The following NUP155 variants were observed in gnomAD, a reference collection of about 807,000 sequenced individuals.
The protein encoded by NUP155 is nucleoporin 155.
A neutral mutation model predicts 180.4 loss-of-function variants in NUP155; 71 were observed. The ratio of observed to expected loss-of-function variants is 0.39; its 90% CI spans 0.33 to 0.48. The LOEUF (loss-of-function observed/expected upper bound fraction) is 0.48. Among genes scored for constraint, NUP155 ranks in the 20% least tolerant of loss-of-function variants. The pLI is 0.91. For synonymous variants in NUP155, 582 were observed against 559.5 expected (o/e 1.04, Z -0.57); for missense variants, 1,553 against 1,648.9 (o/e 0.94, Z 1.01).
chr5:37,303,475 A>C, intron 27 of NUP155, 61 bp from the exon 28 acceptor site: 2 of 1,374,748 alleles, frequency 1.5e-6, no homozygotes, highest in Non-Finnish European at 2.1e-6. Flanking sequence ...TGTTCCTGAT[A>C]AGGAAAATAT....
Position 37,341,056 on chromosome 5 carries a change from A to G in NUP155, c.1246+34T>C, listed in dbSNP as rs1745684614. ...ATATAATTTTAACAATTTTAAGAAT[A>G]TAATCTTAAATCTGATAGTATTTCA... is the stretch of plus-strand genomic sequence containing the variant. On this transcript the variant is annotated intron_variant, in intron 11 of 34. Coordinates refer to ENST00000231498, the MANE Select transcript of NUP155 (RefSeq NM_153485.3). The G allele has an allele frequency of 6.0e-6, 9 of 1,505,040 alleles. No individual in the cohort carries two copies. The African/African-American group carries it at 6.9e-5, about 12-fold the overall frequency. 93.2% of individuals were successfully genotyped at this position (1,505,040 alleles called of 1,614,324 possible).
chr5:37,363,960 C>A lies in NUP155; in HGVS notation c.320G>T (p.Gly107Val). 6.2e-7 allele frequency: 1 copy of A among 1,613,404 alleles called. No homozygotes were observed. Among genetic ancestry groups the A allele is most frequent in the African/African-American group, 1.3e-5 (1 of 75,032 alleles). Reference sequence around the variant, plus strand: ...AGCTCTGCTGATAGGAGGGAACACACCCATCATGCAATTACACTGCATATC... The same window carrying A: ...AGCTCTGCTGATAGGAGGGAACACAACCATCATGCAATTACACTGCATATC... ...FGHMQCNCMMGVFPPISRAWL... is the reference protein window; with the variant it reads ...FGHMQCNCMMVVFPPISRAWL... Residue 107 changes from glycine (G) to valine (V), a missense_variant, in exon 3 of 35, where the codon GGT (glycine) becomes GTT (valine). Coordinates refer to ENST00000231498, the MANE Select transcript of NUP155 (RefSeq NM_153485.3).
chr5:37,317,358 C>T (rs1379239769), intron 21 of NUP155, among the ~76,000 whole-genome samples: 4 of 150,792 alleles, frequency 2.7e-5, no homozygotes. Context: ...CGTGGTGGCA[C>T]ATGCCTCTAA....
chr5:37,335,082 C>T lies in NUP155; in HGVS notation c.1348-1449G>A, dbSNP rs563818020. 7.3e-4 allele frequency among the ~76,000 whole-genome samples: 109 copies of T among 149,438 alleles called. 1 individual carries two copies. The highest frequency in any genetic ancestry group is 1.9e-3 in the African/African-American group (77 of 40,352). ...CTGAGGCAGGAGAACTGCTTGAGCC[C>T]GGGAGATGGAGGTTGCAGTGAGCCG... On this transcript the variant is annotated intron_variant, in intron 12 of 34. Coordinates refer to ENST00000231498, the MANE Select transcript of NUP155 (RefSeq NM_153485.3).
In NUP155 at chr5:37,364,293, G is replaced by A. The variant is rs754806955; in HGVS notation, c.249C>T (p.Ser83=). ...LSVPNLPEIS[S]IRRVPLPPEL... ...CAGGTGGGAGAGGAACTCTTCGGAT[G>A]GAACTGATCTCTGGAAGGTTGGGTA... Residue 83 remains serine (S), a synonymous_variant, in exon 2 of 35, where the codon TCC becomes TCT. Coordinates refer to ENST00000231498, the MANE Select transcript of NUP155 (RefSeq NM_153485.3). 1.9e-6 allele frequency: 3 copies of A among 1,612,674 alleles called. No individual in the cohort carries two copies. The highest frequency in any genetic ancestry group is 2.2e-5 in the South Asian group (2 of 91,052).
At chr5:37,324,418 C>T (rs1400408011) in intron 19 of NUP155, among the ~76,000 whole-genome samples, 1 of 152,146 alleles carries the variant, frequency 6.6e-6, no homozygotes, top group Non-Finnish European at 1.5e-5. Context: ...TCCTTTGTAG[C>T]CATTAGTCAT....
intron 5 of NUP155, among the ~76,000 whole-genome samples, chr5:37,352,429 T>C (rs1319694484): frequency 6.6e-6 from 1 of 152,014 alleles, no homozygotes; most frequent in Non-Finnish European, 1.5e-5. Context: ...TCCCAGCAAC[T>C]CAAGAGACTG....
intron 22 of NUP155, among the ~76,000 whole-genome samples, chr5:37,313,490 T>C (rs1743660682): frequency 6.7e-6 from 1 of 148,528 alleles, no homozygotes; most frequent in Non-Finnish European, 1.5e-5. Flanking sequence ...TGTGTGTGTG[T>C]GTGTGTGTGT....
Position 37,323,980 on chromosome 5 carries a change from ATT to A in NUP155, c.2207+10_2207+11del. Reference sequence around the variant, plus strand: ...AGAAAAAGATGAATTAATAAACCCTATTTATTCTTACTTTGGATTTCCTAATG... The same window carrying A: ...AGAAAAAGATGAATTAATAAACCCTATATTCTTACTTTGGATTTCCTAATG... On this transcript the variant is annotated intron_variant, in intron 20 of 34. Coordinates refer to ENST00000231498, the MANE Select transcript of NUP155 (RefSeq NM_153485.3). 1 of 1,482,436 alleles carries A rather than the reference ATT, an allele frequency of 6.7e-7. No individual in the cohort carries two copies. The highest frequency in any genetic ancestry group is 1.7e-5 in the Admixed American group (1 of 59,840). 91.8% of individuals were successfully genotyped at this position (1,482,436 alleles called of 1,614,324 possible). A position where few individuals can be genotyped will look rare whatever the true frequency, so the allele number is the denominator to read the frequency against.
intron 34 of NUP155, 109 bp from the exon 35 acceptor site, chr5:37,292,147 A>G (rs1393893387): frequency 1.0e-6 from 1 of 997,938 alleles, no homozygotes; most frequent in African/African-American, 1.6e-5. Flanking sequence ...GAGAGGAAAG[A>G]CCATGTGATT....
At chr5:37,328,036 A>C (rs1395547097) in intron 17 of NUP155, among the ~76,000 whole-genome samples, 1 of 152,202 alleles carries the variant, frequency 6.6e-6, no homozygotes, top group Non-Finnish European at 1.5e-5. Flanking sequence ...GCAAGTGTTC[A>C]CAATGCAGAA....
chr5:37,324,254 C>T (rs1744437009), intron 19 of NUP155, 147 bp from the exon 20 acceptor site: 2 of 650,236 alleles, frequency 3.1e-6, no homozygotes, highest in Non-Finnish European at 5.6e-6. Flanking sequence ...TATACCTACA[C>T]ACTTCCTCTC....
chr5:37,327,830 A>C, intron 17 of NUP155, 54 bp from the exon 18 acceptor site: 2 of 1,573,998 alleles, frequency 1.3e-6, no homozygotes, highest in Non-Finnish European at 1.7e-6. Flanking sequence ...AGAACCCATA[A>C]ATCTCTTAAT....
chr5:37,367,101 A>G (rs1250918990), intron 1 of NUP155, among the ~76,000 whole-genome samples: 1 of 150,620 alleles, frequency 6.6e-6, no homozygotes, highest in Admixed American at 6.6e-5. Context: ...GCTGGAATGC[A>G]GTGGTGCAAT....
In NUP155 at chr5:37,288,947, T is replaced by A. The variant is rs11750291; in HGVS notation, c.*2953A>T. 24,031 of 152,246 alleles carry A rather than the reference T, an allele frequency of 0.16. 1,944 individuals are homozygous for A. Among genetic ancestry groups the A allele is most frequent in the South Asian group, 0.2 (968 of 4,832 alleles). 9.4% of individuals were successfully genotyped at this position (152,246 alleles called of 1,614,324 possible). ...TTAGCCAGGCATGGTGGCGCATGCC[T>A]GTAATCTCAGCTACTCGGGAGGCTG... On this transcript the variant is annotated 3_prime_UTR_variant, in exon 35 of 35. Coordinates refer to ENST00000231498, the MANE Select transcript of NUP155 (RefSeq NM_153485.3).
At chr5:37,305,995 T>C (rs866156975) in intron 25 of NUP155, among the ~76,000 whole-genome samples, 3 of 152,222 alleles carry the variant, frequency 2.0e-5, no homozygotes, top group Admixed American at 6.5e-5. Context: ...TAGATGTACA[T>C]ATTTGGCATT....
chr5:37,335,281 T>A (rs1745252460), intron 12 of NUP155, among the ~76,000 whole-genome samples: 1 of 150,584 alleles, frequency 6.6e-6, no homozygotes, highest in African/African-American at 2.5e-5. Context: ...CTCAGAAGGC[T>A]GAGGTAGGAG....
intron 7 of NUP155, 23 bp downstream of exon 7, chr5:37,350,137 C>T: frequency 6.4e-7 from 1 of 1,551,866 alleles, no homozygotes; most frequent in Non-Finnish European, 8.9e-7. Context: ...TTGTACTTGC[C>T]AAATTTATTG....
intron 17 of NUP155, 49 bp from the exon 18 acceptor site, chr5:37,327,825 C>T (rs1382021169): frequency 6.3e-7 from 1 of 1,582,160 alleles, no homozygotes; most frequent in Admixed American, 1.7e-5. Context: ...ATCTTAGAAC[C>T]CATAAATCTC....
Sources: allele counts gnomAD v4.1 joint callset (sites outside exome capture counted in the v4.1 genomes callset), GRCh38; gene constraint gnomAD v4.1.1; transcripts MANE v1.5; gene names NCBI Gene and HGNC (gene_info 2026-07-23, HGNC 2026-07-21).